Variants in DNAH7 observed in about 807,000 individuals in gnomAD.
The protein encoded by DNAH7 is dynein axonemal heavy chain 7, also known as axonemal beta dynein heavy chain 7.
DNAH7 carries 397 observed loss-of-function variants against 444.6 expected under a neutral mutation model. That is an observed-to-expected ratio of 0.89 (90% CI 0.82 to 0.97). The LOEUF is 0.97. Among genes scored for constraint, DNAH7 ranks in the 50% least tolerant of loss-of-function variants. The pLI is 0.00. For missense variants in DNAH7, 4,902 were observed against 4,800.8 expected, an observed-to-expected ratio of 1.02 and a Z score of -0.62; for synonymous variants, 1,636 against 1,624.4, an observed-to-expected ratio of 1.01 and a Z score of -0.17.
intron 57 of DNAH7, among the ~76,000 whole-genome samples, chr2:195,793,385 A>C (rs1376953134): frequency 1.3e-5 from 2 of 152,198 alleles, no homozygotes; most frequent in African/African-American, 4.8e-5. Flanking sequence ...CCTGGACCTG[A>C]AATGTAGGTG....
At chr2:195,770,395 C>T (rs575914191) in intron 61 of DNAH7, among the ~76,000 whole-genome samples, 9 of 152,284 alleles carry the variant, frequency 5.9e-5, no homozygotes, top group Admixed American at 2.0e-4. Context: ...AACACCATCA[C>T]GATCCAGCCT....
rs965191807 is a variant in DNAH7, at chr2:196,066,177, T to C, written c.15+2520A>G. ...TCATAAACCTGGGATAGCCCAAGTA[T>C]TAACCCTCCTGATCAAATGACTAGA... is the stretch of plus-strand genomic sequence containing the variant. On this transcript the variant is annotated intron_variant, in intron 1 of 64. Coordinates refer to ENST00000312428, the MANE Select transcript of DNAH7 (RefSeq NM_018897.3). 2.0e-5 allele frequency among the ~76,000 whole-genome samples: 3 copies of C among 152,370 alleles called. No individual in the cohort carries two copies. In the South Asian group the frequency reaches 6.2e-4, roughly 32 times the overall value.
chr2:195,828,177 T>C (rs1697874897), intron 48 of DNAH7, among the ~76,000 whole-genome samples: 1 of 152,178 alleles, frequency 6.6e-6, no homozygotes, highest in Admixed American at 6.5e-5. Flanking sequence ...CACAGTTTTG[T>C]CAAGTATCAA....
intron 24 of DNAH7, among the ~76,000 whole-genome samples, chr2:195,912,858 T>C (rs1687443570): frequency 6.6e-6 from 1 of 152,204 alleles, no homozygotes; most frequent in Non-Finnish European, 1.5e-5. Context: ...TAGCTAAAAA[T>C]TGAGCACATC....
In DNAH7 at chr2:195,970,020, A is replaced by G. The variant is rs1190184304; in HGVS notation, c.2133T>C (p.Asp711=). The change falls in exon 17 of 65, where the codon GAT becomes GAC. Residue 711 remains aspartate, a synonymous_variant. Transcript: ENST00000312428. ...TTAGGTACCGCTGAACATCCTGAAGATCTCCAAATGAATAAAATTCTTCTG... is the reference window on the plus strand; with the variant it reads ...TTAGGTACCGCTGAACATCCTGAAGGTCTCCAAATGAATAAAATTCTTCTG... ...KQSEEFYSFG[D]LQDVQRYLKK... The G allele has an allele frequency of 1.9e-6, 3 of 1,612,652 alleles. No individual in the cohort carries two copies. The highest frequency in any genetic ancestry group is 3.3e-5 in the Admixed American group (2 of 59,724).
intron 21 of DNAH7, among the ~76,000 whole-genome samples, chr2:195,930,139 T>C (rs913982285): frequency 6.6e-5 from 10 of 152,064 alleles, no homozygotes; most frequent in Non-Finnish European, 1.3e-4. Flanking sequence ...GGTCAAGAGA[T>C]TGAGACCATC....
chr2:196,066,388 T>C (rs770215501), intron 1 of DNAH7, among the ~76,000 whole-genome samples: 1 of 152,208 alleles, frequency 6.6e-6, no homozygotes, highest in Non-Finnish European at 1.5e-5. Context: ...AAAAACATGA[T>C]GAAGGAAAAT....
In DNAH7 at chr2:195,858,497, C is replaced by T. The variant is rs199807387; in HGVS notation, c.8044G>A (p.Ala2682Thr). 142 of 1,607,632 alleles carry T rather than the reference C, an allele frequency of 8.8e-5. No homozygotes were observed. The highest frequency in any genetic ancestry group is 1.1e-4 in the Non-Finnish European group (128 of 1,176,814). Residue 2682 changes from alanine to threonine, a missense_variant, in exon 43 of 65, where the codon GCC (alanine) becomes ACC (threonine). Coordinates refer to ENST00000312428, the MANE Select transcript of DNAH7 (RefSeq NM_018897.3). The part of the protein sequence containing the change: ...ALPILESALA[A>T]LDTLTAQDIT... ...ACCTGTGCAGTAAGAGTATCAAGGG[C>T]GGCCAGTGCTGACTCTAATATTGGC...
intron 58 of DNAH7, 127 bp downstream of exon 58, chr2:195,786,883 T>C: frequency 1.0e-6 from 1 of 960,728 alleles, no homozygotes; most frequent in Non-Finnish European, 1.5e-6. Context: ...TAATAAGCTG[T>C]TGGGAACTAC....
intron 40 of DNAH7, among the ~76,000 whole-genome samples, chr2:195,868,602 T>C (rs1222564735): frequency 6.6e-6 from 1 of 150,528 alleles, no homozygotes; most frequent in Admixed American, 6.7e-5. Flanking sequence ...GGATACTAGA[T>C]ACTTAACAGT....
At chr2:195,931,087 C>T (rs985901872) in intron 21 of DNAH7, among the ~76,000 whole-genome samples, 1 of 152,110 alleles carries the variant, frequency 6.6e-6, no homozygotes, top group Non-Finnish European at 1.5e-5. Context: ...GTACTATGCT[C>T]AGTACCTGGG....
At chr2:195,917,884 G>C (rs1367495681) in intron 24 of DNAH7, among the ~76,000 whole-genome samples, 2 of 152,086 alleles carry the variant, frequency 1.3e-5, no homozygotes, top group African/African-American at 2.4e-5. Context: ...GCCCAGGCTG[G>C]TCTTGAATTC....
In DNAH7 at chr2:195,954,852, T is replaced by G. The variant is rs541470445; in HGVS notation, c.3078+2409A>C. ...TTTTGAGAAGTGTCTGTTCATATCC[T>G]TCACCCACTTGTTGATGGGGTTGTT... On this transcript the variant is annotated intron_variant, in intron 19 of 64. Coordinates refer to ENST00000312428, the MANE Select transcript of DNAH7 (RefSeq NM_018897.3). 6.8e-4 allele frequency among the ~76,000 whole-genome samples: 103 copies of G among 152,348 alleles called. 1 individual carries two copies. The highest frequency in any genetic ancestry group is 2.4e-3 in the African/African-American group (98 of 41,586).
At chr2:195,897,955 T>C (rs943704066) in intron 28 of DNAH7, among the ~76,000 whole-genome samples, 190 bp from the exon 29 acceptor site, 3 of 152,196 alleles carry the variant, frequency 2.0e-5, no homozygotes, top group Non-Finnish European at 4.4e-5. Flanking sequence ...TTTTTTTTAC[T>C]AGTTTATAAT....
intron 48 of DNAH7, among the ~76,000 whole-genome samples, chr2:195,826,089 A>G (rs1393642191): frequency 6.6e-6 from 1 of 152,200 alleles, no homozygotes; most frequent in African/African-American, 2.4e-5. Context: ...TTATACTATT[A>G]TTAATAATGC....
chr2:195,933,301 G>C (rs1396366623), intron 21 of DNAH7, among the ~76,000 whole-genome samples: 1 of 152,152 alleles, frequency 6.6e-6, no homozygotes, highest in African/African-American at 2.4e-5. Context: ...ACTGTTGGCG[G>C]GACTGTAAAC....
chr2:195,846,396 A>C (rs1249355049), intron 46 of DNAH7, among the ~76,000 whole-genome samples: 1 of 152,214 alleles, frequency 6.6e-6, no homozygotes, highest in Non-Finnish European at 1.5e-5. Flanking sequence ...GGGACTGCTT[A>C]TACACAGCTG....
chr2:195,794,284 G>A (rs181302147), intron 57 of DNAH7, 54 bp downstream of exon 57: 3 of 1,556,182 alleles, frequency 1.9e-6, no homozygotes, highest in African/African-American at 2.7e-5. Flanking sequence ...GATCACCAGG[G>A]GCCACTTGAA....
intron 39 of DNAH7, among the ~76,000 whole-genome samples, chr2:195,872,834 T>G (rs1412800439): frequency 1.3e-5 from 2 of 151,684 alleles, no homozygotes; most frequent in Non-Finnish European, 2.9e-5. Context: ...CATTCTCAAC[T>G]GCATATAAAT....
Sources: allele counts gnomAD v4.1 joint callset (sites outside exome capture counted in the v4.1 genomes callset), GRCh38; gene constraint gnomAD v4.1.1; transcripts MANE v1.5; gene names NCBI Gene and HGNC (gene_info 2026-07-23, HGNC 2026-07-21).